Variants in RUBCN observed in about 807,000 individuals in gnomAD.
RUBCN encodes run domain Beclin-1-interacting and cysteine-rich domain-containing protein.
RUBCN carries 74 observed loss-of-function variants against 113.2 expected under a neutral mutation model. The observed-to-expected ratio is 0.65, with a 90% CI of 0.54 to 0.79. The LOEUF is 0.79. RUBCN is among the 30% of genes least tolerant of loss of function. The probability of loss-of-function intolerance (pLI) is 0.00; values close to 1 mark genes in which losing one functional copy is unlikely to be tolerated. For synonymous variants in RUBCN, 480 were observed against 490.0 expected, an observed-to-expected ratio of 0.98 and a Z score of 0.27; for missense variants, 1,109 against 1,251.7, an observed-to-expected ratio of 0.89 and a Z score of 1.72.
chr3:197,709,446 T>C (rs1344423791), intron 2 of RUBCN, among the ~76,000 whole-genome samples: 1 of 152,146 alleles, frequency 6.6e-6, no homozygotes, highest in Non-Finnish European at 1.5e-5. Flanking sequence ...AATGGCGCGA[T>C]CTCGGCTCAC....
intron 1 of RUBCN, among the ~76,000 whole-genome samples, chr3:197,735,348 GTGT>G (rs1425011632): frequency 6.6e-6 from 1 of 152,230 alleles, no homozygotes; most frequent in Non-Finnish European, 1.5e-5. Flanking sequence ...GCAGTGAGCC[GTGT>G]TCACGGCACT....
In RUBCN at chr3:197,669,872, T is replaced by C. The variant is rs949383761; in HGVS notation, c.*5146A>G. On this transcript the variant is annotated 3_prime_UTR_variant, in exon 20 of 20. Coordinates refer to ENST00000296343, the MANE Select transcript of RUBCN (RefSeq NM_014687.4). The stretch of plus-strand genomic sequence containing the variant: ...CATAACATTGTATTACAAGACTTTT[T>C]CCCCATGTTACTATCATAATTTATT... 2.0e-5 allele frequency among the ~76,000 whole-genome samples: 3 copies of C among 152,208 alleles called. No individual in the cohort carries two copies. Among genetic ancestry groups the C allele is most frequent in the Admixed American group, 6.5e-5 (1 of 15,282 alleles).
At chr3:197,710,102 G>A (rs924377505) in intron 2 of RUBCN, among the ~76,000 whole-genome samples, 92 of 151,628 alleles carry the variant, frequency 6.1e-4, no homozygotes, top group African/African-American at 2.1e-3. Flanking sequence ...CCCAGGAGGC[G>A]GAGGTTGCAG....
intron 11 of RUBCN, among the ~76,000 whole-genome samples, chr3:197,690,318 G>A (rs531358124): frequency 6.6e-6 from 1 of 152,204 alleles, no homozygotes; most frequent in South Asian, 2.1e-4. Context: ...GCTGCCTGTA[G>A]TCCCAGCTAC....
chr3:197,730,922 T>A (rs1727372297), intron 1 of RUBCN, among the ~76,000 whole-genome samples: 1 of 141,314 alleles, frequency 7.1e-6, no homozygotes, highest in South Asian at 2.2e-4. Context: ...TTTTACAGTT[T>A]CAACTATTTA....
At chr3:197,685,998 A>C (rs550234615) in intron 11 of RUBCN, among the ~76,000 whole-genome samples, 6 of 152,330 alleles carry the variant, frequency 3.9e-5, no homozygotes, top group Non-Finnish European at 7.3e-5. Flanking sequence ...TTTCTGAATA[A>C]ATGATTAATT....
At chr3:197,699,034 T>C (rs1723335433) in intron 7 of RUBCN, among the ~76,000 whole-genome samples, 1 of 151,546 alleles carries the variant, frequency 6.6e-6, no homozygotes, top group Non-Finnish European at 1.5e-5. Context: ...ACACATCATA[T>C]GAAATACTGG....
Position 197,701,027 on chromosome 3 carries a change from G to C in RUBCN, c.847C>G (p.Leu283Val). Residue 283 changes from leucine (L) to valine (V), a missense_variant, in exon 7 of 20, where the codon CTA becomes GTA. Leu to Val is a conservative substitution (Grantham distance 32). Coordinates refer to ENST00000296343, the MANE Select transcript of RUBCN (RefSeq NM_014687.4). The stretch of plus-strand genomic sequence containing the variant: ...GGGGTCAAAGGGGAATCCCTGGCTA[G>C]TGCAGAGACTGAAACTGGGGGGGCT... ...IQAPPVSVSA[L>V]ARDSPLTPNE... is the part of the protein sequence containing the mutation. The C allele has an allele frequency of 6.2e-7, 1 of 1,614,152 alleles. No homozygotes were observed. The highest frequency in any genetic ancestry group is 8.5e-7 in the Non-Finnish European group (1 of 1,179,990).
chr3:197,678,484 TCTAA>T (rs201118853), intron 16 of RUBCN, among the ~76,000 whole-genome samples: 36 of 147,906 alleles, frequency 2.4e-4, no homozygotes, highest in South Asian at 2.2e-3. Context: ...TGTCCTACGC[TCTAA>T]CTGACAACTG....
At chr3:197,733,832 A>G (rs1355904284) in intron 1 of RUBCN, among the ~76,000 whole-genome samples, 3 of 152,240 alleles carry the variant, frequency 2.0e-5, no homozygotes, top group Non-Finnish European at 4.4e-5. Flanking sequence ...AAAGACGGGA[A>G]AAGATTCTGC....
Position 197,700,835 on chromosome 3 carries a change from C to T in RUBCN, c.1039G>A (p.Glu347Lys), listed in dbSNP as rs61746429. 9,997 of 1,614,112 alleles carry T rather than the reference C, an allele frequency of 6.2e-3. 491 individuals are homozygous for T. The African/African-American group carries it at 0.11, about 18-fold the overall frequency. The change falls in exon 7 of 20, where the codon GAG becomes AAG. Residue 347 changes from glutamate to lysine, a missense_variant. Coordinates refer to ENST00000296343, the MANE Select transcript of RUBCN (RefSeq NM_014687.4). ...GAGAACAAATTGGAACTGCTGCTCT[C>T]GGCATTGCTGCTGTGACTCTGACAG... ...ASCQSHSSNAESSSSNLFSSS... is the reference protein window; with the variant it reads ...ASCQSHSSNAKSSSSNLFSSS...
At chr3:197,696,521 A>T (rs900281833) in intron 8 of RUBCN, among the ~76,000 whole-genome samples, 1 of 152,216 alleles carries the variant, frequency 6.6e-6, no homozygotes, top group Non-Finnish European at 1.5e-5. Context: ...CGTACCATAC[A>T]GTAAAGAAAA....
At position 197,683,555 on chromosome 3, in the gene RUBCN, G is replaced by C. The variant is rs1721507364; in HGVS notation, c.1848-116C>G. ...CTTCTGGGCTGGAAGAACACCCGCA[G>C]CACCCTGGCCTGCTCATCACCCTCA... On this transcript the variant is annotated intron_variant, in intron 12 of 19. Transcript: ENST00000296343. The surrounding 1 kb of genome is among the most constrained non-coding windows in gnomAD (Gnocchi z 4.6). 8.7e-7 allele frequency: 1 copy of C among 1,152,744 alleles called. No individual in the cohort carries two copies. Among genetic ancestry groups the C allele is most frequent in the Non-Finnish European group, 1.3e-6 (1 of 785,268 alleles). 71.4% of individuals were successfully genotyped at this position (1,152,744 alleles called of 1,614,324 possible).
chr3:197,741,750 G>A (rs982139845), upstream of RUBCN, among the ~76,000 whole-genome samples: 1 of 151,684 alleles, frequency 6.6e-6, no homozygotes, highest in African/African-American at 2.4e-5. Flanking sequence ...TTGAACCCAG[G>A]AGGTGGACAT....
In RUBCN at chr3:197,736,879, T is replaced by G. The variant is rs1272676390; in HGVS notation, c.-160A>C. The stretch of plus-strand genomic sequence containing the variant: ...GGCGACAGCGGGAGGGACCGCCGCC[T>G]GGGCTGCGGCTTCTATCCCGGCCAC... On this transcript the variant is annotated 5_prime_UTR_variant, in exon 1 of 20. Transcript: ENST00000296343. 5 of 1,372,290 alleles carry G rather than the reference T, an allele frequency of 3.6e-6. No individual in the cohort carries two copies. Among genetic ancestry groups the G allele is most frequent in the Non-Finnish European group, 4.7e-6 (5 of 1,070,194 alleles). 85.0% of individuals were successfully genotyped at this position (1,372,290 alleles called of 1,614,324 possible).
At position 197,681,587 on chromosome 3, in the gene RUBCN, G is replaced by T. The variant is rs1172151989; in HGVS notation, c.2192-220C>A. On this transcript the variant is annotated intron_variant, in intron 15 of 19. Coordinates refer to ENST00000296343, the MANE Select transcript of RUBCN (RefSeq NM_014687.4). This position sits in a 1 kb window ranked among gnomAD's most constrained non-coding sequence, Gnocchi z 5.5. ...GAGGAAATAAAACCAGCTGGAGATA[G>T]TAAGATCCCGCCTTACCAGCTAGCT... Among the ~76,000 whole-genome samples, 1 of 152,178 alleles carries T rather than the reference G, an allele frequency of 6.6e-6. No homozygotes were observed. Among genetic ancestry groups the T allele is most frequent in the South Asian group, 2.1e-4 (1 of 4,830 alleles).
Position 197,678,980 on chromosome 3 carries a change from T to C in RUBCN, c.2431-1439A>G, listed in dbSNP as rs542456507. Among the ~76,000 whole-genome samples, 430 of 149,874 alleles carry C rather than the reference T, an allele frequency of 2.9e-3. 3 individuals are homozygous for C. Among genetic ancestry groups the C allele is most frequent in the South Asian group, 6.9e-3 (32 of 4,636 alleles). On this transcript the variant is annotated intron_variant, in intron 16 of 19. Coordinates refer to ENST00000296343, the MANE Select transcript of RUBCN (RefSeq NM_014687.4). ...CGTATGCTCTAACTGACAACTGGCT[T>C]CAGACTGTCCTACGCTCTAACTCGT...
chr3:197,703,703 TGA>T (rs1560438952), intron 4 of RUBCN, 49 bp from the exon 5 acceptor site: 1 of 1,201,704 alleles, frequency 8.3e-7, no homozygotes, highest in South Asian at 1.2e-5. Flanking sequence ...AGGGAGGCCT[TGA>T]GAGAAGCTTG....
chr3:197,706,610 G>A (rs918663053), intron 2 of RUBCN, among the ~76,000 whole-genome samples: 3 of 152,070 alleles, frequency 2.0e-5, no homozygotes, highest in African/African-American at 7.2e-5. Context: ...CAAGAGCCCA[G>A]GAGGCAGAGG....
Sources: allele counts gnomAD v4.1 joint callset (sites outside exome capture counted in the v4.1 genomes callset), GRCh38; gene constraint gnomAD v4.1.1; non-coding constraint Gnocchi (gnomAD v3.1); transcripts MANE v1.5; gene names NCBI Gene and HGNC (gene_info 2026-07-23, HGNC 2026-07-21).